The following PFDN1 variants were observed in gnomAD, a reference collection of about 807,000 sequenced individuals.
The protein encoded by PFDN1 is prefoldin subunit 1.
In PFDN1, 6 loss-of-function variants were observed where a neutral mutation model predicts 17.3. The observed-to-expected ratio is 0.35, with a 90% CI of 0.19 to 0.69. PFDN1 has a LOEUF of 0.69. PFDN1 is among the 30% of genes least tolerant of loss of function. The pLI, the probability that PFDN1 is intolerant of heterozygous loss-of-function variation, is 0.65. For synonymous variants in PFDN1, 58 were observed against 50.1 expected (o/e 1.16, Z -0.67); for missense variants, 113 against 146.2 (o/e 0.77, Z 1.17).
chr5:140,247,890 A>G (rs1047603605), intron 3 of PFDN1, among the ~76,000 whole-genome samples: 1 of 151,834 alleles, frequency 6.6e-6, no homozygotes, highest in Non-Finnish European at 1.5e-5. Context: ...AGGCCATGCC[A>G]TCGCACTCCA....
chr5:140,279,545 C>T lies in PFDN1; in HGVS notation c.285+1904G>A, dbSNP rs561628831. ...AAAGAGACAAGGTCTTGTTATGTTG[C>T]GCAGGCTGGAATGCCTCAGGCAATC... On this transcript the variant is annotated intron_variant, in intron 3 of 3. Transcript: ENST00000261813. 5.9e-5 allele frequency among the ~76,000 whole-genome samples: 9 copies of T among 151,410 alleles called. No homozygotes were observed. In the East Asian group the frequency reaches 1.5e-3, roughly 26 times the overall value.
intron 3 of PFDN1, among the ~76,000 whole-genome samples, chr5:140,259,262 A>C (rs150796567): frequency 6.6e-5 from 10 of 152,344 alleles, no homozygotes; most frequent in Admixed American, 5.2e-4. Flanking sequence ...AAGCTAGCAG[A>C]CATTTTAACT....
chr5:140,275,281 T>C (rs565413596), intron 3 of PFDN1, among the ~76,000 whole-genome samples: 18 of 151,512 alleles, frequency 1.2e-4, no homozygotes, highest in African/African-American at 3.4e-4. Flanking sequence ...TGGCGGGGTG[T>C]GCCTGTAGTC....
chr5:140,290,770 T>C (rs1765568557), intron 2 of PFDN1, among the ~76,000 whole-genome samples: 1 of 152,212 alleles, frequency 6.6e-6, no homozygotes, highest in African/African-American at 2.4e-5. Context: ...TTCACCCAAC[T>C]GTACTCCTAA....
chr5:140,303,031 CCT>C lies in PFDN1; in HGVS notation c.33+8_33+9del. Reference sequence around the variant, plus strand: ...AAGAAGACCTCCGCCTGCCAAAGACCCTCTTTTACCTTCTTCAGCTCTAGATC... The same window carrying C: ...AAGAAGACCTCCGCCTGCCAAAGACCCTTTTACCTTCTTCAGCTCTAGATC... On this transcript the variant is annotated splice_region_variant and intron_variant, in intron 1 of 3. Transcript: ENST00000261813. 2 of 1,603,702 alleles carry C rather than the reference CCT, an allele frequency of 1.2e-6. No individual in the cohort carries two copies. The highest frequency in any genetic ancestry group is 1.7e-6 in the Non-Finnish European group (2 of 1,170,466).
intron 2 of PFDN1, among the ~76,000 whole-genome samples, chr5:140,290,417 T>C (rs1304209311): frequency 6.6e-6 from 1 of 152,124 alleles, no homozygotes; most frequent in Non-Finnish European, 1.5e-5. Context: ...ATGACAAAGC[T>C]AGCAAACACA....
intron 3 of PFDN1, among the ~76,000 whole-genome samples, chr5:140,266,467 A>G (rs770846392): frequency 6.6e-6 from 1 of 152,234 alleles, no homozygotes; most frequent in Non-Finnish European, 1.5e-5. Context: ...TGCTTTCCCA[A>G]GATATTTGCA....
intron 2 of PFDN1, among the ~76,000 whole-genome samples, chr5:140,286,449 CA>C (rs1281309539): frequency 1.3e-5 from 2 of 148,384 alleles, no homozygotes; most frequent in African/African-American, 4.9e-5. Flanking sequence ...AAAGAAAAAT[CA>C]GCATGTCATT....
intron 3 of PFDN1, among the ~76,000 whole-genome samples, chr5:140,273,441 A>G (rs1306570183): frequency 6.6e-6 from 1 of 152,136 alleles, no homozygotes; most frequent in Non-Finnish European, 1.5e-5. Flanking sequence ...GGAAAAAATG[A>G]TTCTCAACAG....
intron 3 of PFDN1, among the ~76,000 whole-genome samples, chr5:140,280,393 A>G (rs1765382327): frequency 1.3e-5 from 2 of 152,238 alleles, no homozygotes; most frequent in South Asian, 2.1e-4. Context: ...ATAGGACACA[A>G]CAACAATCTG....
At chr5:140,300,388 A>G (rs199653289) in intron 2 of PFDN1, 28 bp downstream of exon 2, 3 of 1,514,808 alleles carry the variant, frequency 2.0e-6, no homozygotes, top group Admixed American at 3.6e-5. Context: ...CTCCCAAAAT[A>G]ACTCCATTAA....
intron 3 of PFDN1, chr5:140,265,772 T>C (rs1765126329): frequency 6.6e-6 from 1 of 152,182 alleles, no homozygotes; most frequent in Non-Finnish European, 1.5e-5. Context: ...GAATGCTGAG[T>C]AGAAACCACA....
At chr5:140,251,261 C>A (rs1263924941) in intron 3 of PFDN1, among the ~76,000 whole-genome samples, 3 of 152,104 alleles carry the variant, frequency 2.0e-5, no homozygotes, top group African/African-American at 4.8e-5. Flanking sequence ...AATCATAATA[C>A]TTTTACCCCA....
At chr5:140,251,631 C>T (rs954098694) in intron 3 of PFDN1, among the ~76,000 whole-genome samples, 2 of 152,206 alleles carry the variant, frequency 1.3e-5, no homozygotes, top group African/African-American at 2.4e-5. Context: ...AATGCTTTCA[C>T]AAGGGAAGTC....
chr5:140,275,942 CA>C (rs1360758760), intron 3 of PFDN1, among the ~76,000 whole-genome samples: 4 of 152,072 alleles, frequency 2.6e-5, no homozygotes, highest in Non-Finnish European at 5.9e-5. Context: ...ATAGAAATAG[CA>C]TGGCCTTTGT....
In PFDN1 at chr5:140,274,593, T is replaced by A. The variant is rs538449270; in HGVS notation, c.285+6856A>T. On this transcript the variant is annotated intron_variant, in intron 3 of 3. Transcript: ENST00000261813. Reference sequence around the variant, plus strand: ...GGATGTATTCTCTTCCAGAATTTGATCTATCACCTTTATAACGAAAGATTA... The same window carrying A: ...GGATGTATTCTCTTCCAGAATTTGAACTATCACCTTTATAACGAAAGATTA... Among the ~76,000 whole-genome samples the A allele has an allele frequency of 2.6e-5, 4 of 152,360 alleles. No homozygotes were observed. The East Asian group carries it at 7.7e-4, about 29-fold the overall frequency.
At chr5:140,280,037 G>GAAA (rs1179776982) in intron 3 of PFDN1, among the ~76,000 whole-genome samples, 2 of 95,488 alleles carry the variant, frequency 2.1e-5, no homozygotes, top group African/African-American at 9.9e-5. Context: ...GAAAAGAAAA[G>GAAA]AAAGAAAGAA....
intron 2 of PFDN1, among the ~76,000 whole-genome samples, chr5:140,297,641 A>G (rs1285991594): frequency 2.0e-5 from 3 of 152,222 alleles, no homozygotes; most frequent in Non-Finnish European, 2.9e-5. Flanking sequence ...TATATGAAAT[A>G]AACCTTCTGG....
chr5:140,273,673 A>G (rs748722390), intron 3 of PFDN1, among the ~76,000 whole-genome samples: 6 of 151,658 alleles, frequency 4.0e-5, no homozygotes, highest in African/African-American at 1.2e-4. Flanking sequence ...TTTTTTTTAC[A>G]TATGATATGG....
Sources: gnomAD v4.1 joint callset for allele counts (sites outside exome capture counted in the v4.1 genomes callset) on GRCh38, gnomAD v4.1.1 for gene constraint, MANE v1.5 for transcripts, NCBI Gene and HGNC (gene_info 2026-07-23, HGNC 2026-07-21) for gene names.